The following RPS6KA3 variants were observed in gnomAD, a reference collection of about 807,000 sequenced individuals.
RPS6KA3 encodes ribosomal protein S6 kinase A3, also known as ribosomal protein S6 kinase alpha-3.
Under a neutral mutation model 67.2 loss-of-function variants are expected in RPS6KA3, and 4 were observed. The ratio of observed to expected loss-of-function variants is 0.06; its 90% CI spans 0.03 to 0.14. The LOEUF is 0.14. Among genes scored for constraint, RPS6KA3 ranks in the 10% least tolerant of loss-of-function variants. RPS6KA3 has a pLI of 1.00. For missense variants in RPS6KA3, 204 were observed against 559.0 expected, an observed-to-expected ratio of 0.36 and a Z score of 6.40; for synonymous variants, 182 against 183.7, an observed-to-expected ratio of 0.99 and a Z score of 0.07.
At chrX:20,211,012 A>C (rs756204903) in intron 2 of RPS6KA3, among the ~76,000 whole-genome samples, 1 of 110,651 alleles carries the variant, frequency 9.0e-6, no homozygotes, top group Non-Finnish European at 1.9e-5. Context: ...AAAAAAAAAA[A>C]AAACCTTTCA....
intron 2 of RPS6KA3, among the ~76,000 whole-genome samples, chrX:20,216,525 A>C (rs2068854973): frequency 9.0e-6 from 1 of 111,471 alleles, no homozygotes; most frequent in African/African-American, 3.3e-5. Context: ...GAACATGATA[A>C]ATACTATGAA....
At chrX:20,249,677 T>G (rs2069808345) in intron 1 of RPS6KA3, among the ~76,000 whole-genome samples, 1 of 112,381 alleles carries the variant, frequency 8.9e-6, no homozygotes, top group African/African-American at 3.2e-5. Flanking sequence ...TGAGAGTTCT[T>G]TGAATATTGT....
At chrX:20,177,407 T>C (rs765450147) in intron 10 of RPS6KA3, among the ~76,000 whole-genome samples, 3 of 112,790 alleles carry the variant, frequency 2.7e-5, no homozygotes, top group South Asian at 7.2e-4. Flanking sequence ...TGTATGAATA[T>C]GTCACAGTTT....
At chrX:20,263,992 T>C (rs983078195) in intron 1 of RPS6KA3, among the ~76,000 whole-genome samples, 1 of 111,977 alleles carries the variant, frequency 8.9e-6, no homozygotes. Flanking sequence ...TCTGGTAAAA[T>C]ACAATTATCT....
chrX:20,197,295 C>T (rs2148707359), intron 4 of RPS6KA3, among the ~76,000 whole-genome samples: 1 of 112,719 alleles, frequency 8.9e-6, no homozygotes, highest in African/African-American at 3.2e-5. Context: ...CAAAGTCCTA[C>T]CTCTTTCAAT....
intron 4 of RPS6KA3, among the ~76,000 whole-genome samples, chrX:20,195,739 T>C (rs1466647669): frequency 9.0e-6 from 1 of 111,687 alleles, no homozygotes; most frequent in Non-Finnish European, 1.9e-5. Flanking sequence ...CTGTGTAATC[T>C]TTTTTTTGAA....
At position 20,172,729 on chromosome X, in the gene RPS6KA3, A is replaced by G. The variant is rs1465336840; in HGVS notation, c.1353+17T>C. The G allele has an allele frequency of 1.8e-5, 21 of 1,163,109 alleles. No individual in the cohort carries two copies. The highest frequency in any genetic ancestry group is 2.4e-5 in the Non-Finnish European group (21 of 865,970). Reference sequence around the variant, plus strand: ...ACAAGAACTGTATGAATTGCATTTTAAATAAAAAAAATTTACCTTCACTGC... The same window carrying G: ...ACAAGAACTGTATGAATTGCATTTTGAATAAAAAAAATTTACCTTCACTGC... On this transcript the variant is annotated intron_variant, in intron 15 of 21. Coordinates refer to ENST00000379565, the MANE Select transcript of RPS6KA3 (RefSeq NM_004586.3).
chrX:20,214,092 T>C (rs2068785445), intron 2 of RPS6KA3, among the ~76,000 whole-genome samples: 1 of 111,881 alleles, frequency 8.9e-6, no homozygotes, highest in Non-Finnish European at 1.9e-5. Flanking sequence ...GAAAAGTAAT[T>C]TGACCACTAT....
In RPS6KA3 at chrX:20,172,875, C is replaced by CA. The variant is rs763881451; in HGVS notation, c.1228-5dup. On this transcript the variant is annotated splice_region_variant and splice_polypyrimidine_tract_variant and intron_variant, in intron 14 of 21. Transcript: ENST00000379565. ...GAATACTGTTCCTGTGTAACTGCTA[C>CA]AAAAAATTATAAATTGGTGAAGAGT... 3.3e-6 allele frequency: 4 copies of CA among 1,202,232 alleles called. No individual in the cohort carries two copies. Among genetic ancestry groups the CA allele is most frequent in the East Asian group, 5.9e-5 (2 of 33,657 alleles).
intron 2 of RPS6KA3, among the ~76,000 whole-genome samples, chrX:20,221,615 G>A (rs1414636588): frequency 4.5e-5 from 5 of 111,812 alleles, no homozygotes; most frequent in Non-Finnish European, 9.4e-5. Flanking sequence ...GTGAGAAAAC[G>A]AATGGGTAAG....
At chrX:20,217,055 T>C (rs947153179) in intron 2 of RPS6KA3, among the ~76,000 whole-genome samples, 1 of 112,137 alleles carries the variant, frequency 8.9e-6, no homozygotes, top group African/African-American at 3.2e-5. Flanking sequence ...GTCAGTTCAG[T>C]TGAAACATAT....
intron 1 of RPS6KA3, among the ~76,000 whole-genome samples, chrX:20,264,913 T>C (rs924029463): frequency 8.9e-6 from 1 of 112,349 alleles, no homozygotes; most frequent in African/African-American, 3.2e-5. Flanking sequence ...GGGAAAAATA[T>C]GACGAGCTCT....
At chrX:20,232,571 C>T (rs2069297351) in intron 2 of RPS6KA3, among the ~76,000 whole-genome samples, 1 of 109,496 alleles carries the variant, frequency 9.1e-6, no homozygotes, top group Admixed American at 9.8e-5. Flanking sequence ...GACTCCGTCT[C>T]AAAAAACAAA....
chrX:20,158,791 T>G (rs775249930), intron 20 of RPS6KA3, among the ~76,000 whole-genome samples: 3 of 111,702 alleles, frequency 2.7e-5, no homozygotes, highest in Non-Finnish European at 5.6e-5. Context: ...CTAAGCTTTC[T>G]CTTTAAGTGG....
intron 3 of RPS6KA3, among the ~76,000 whole-genome samples, chrX:20,205,177 C>A (rs1463614567): frequency 3.6e-5 from 4 of 112,219 alleles, no homozygotes; most frequent in Non-Finnish European, 7.5e-5. Context: ...TACAAGACTA[C>A]CAATACATCT....
chrX:20,250,453 C>T (rs1351727591), intron 1 of RPS6KA3, among the ~76,000 whole-genome samples: 1 of 111,831 alleles, frequency 8.9e-6, no homozygotes, highest in Non-Finnish European at 1.9e-5. Context: ...CCTCAGCCTC[C>T]CAAGGTGCTG....
At chrX:20,200,803 C>T (rs1344933750) in intron 4 of RPS6KA3, among the ~76,000 whole-genome samples, 2 of 110,693 alleles carry the variant, frequency 1.8e-5, no homozygotes, top group Non-Finnish European at 3.8e-5. Flanking sequence ...CGCTTTAGCC[C>T]CCCCAGTCAG....
intron 2 of RPS6KA3, among the ~76,000 whole-genome samples, chrX:20,228,460 T>C (rs903949968): frequency 5.4e-5 from 6 of 111,419 alleles, no homozygotes; most frequent in African/African-American, 2.0e-4. Context: ...CATTCAGTAA[T>C]AGGTTTTCAC....
At chrX:20,241,331 A>G (rs1468210522) in intron 1 of RPS6KA3, among the ~76,000 whole-genome samples, 1 of 110,081 alleles carries the variant, frequency 9.1e-6, no homozygotes, top group Non-Finnish European at 1.9e-5. Flanking sequence ...AAATGAAAAC[A>G]TAGTAGCCAA....
Sources: allele counts gnomAD v4.1 joint callset (sites outside exome capture counted in the v4.1 genomes callset), GRCh38; gene constraint gnomAD v4.1.1; transcripts MANE v1.5; gene names NCBI Gene and HGNC (gene_info 2026-07-23, HGNC 2026-07-21).